Variants in SERPINA12 observed in about 807,000 individuals in gnomAD.
The protein encoded by SERPINA12 is serpin family A member 12, also known as serpin A12.
Under a neutral mutation model 25.9 loss-of-function variants are expected in SERPINA12, and 21 were observed. The observed-to-expected ratio is 0.81, with a 90% CI of 0.58 to 1.17. The LOEUF (loss-of-function observed/expected upper bound fraction) is 1.17. SERPINA12 is among the 50% of genes most tolerant of loss of function. The probability of loss-of-function intolerance (pLI) is 0.00; values close to 1 mark genes in which losing one functional copy is unlikely to be tolerated. For synonymous variants in SERPINA12, 220 were observed against 196.0 expected (o/e 1.12, Z -1.02); for missense variants, 562 against 508.3 (o/e 1.11, Z -1.02).
chr14:94,501,304 C>T (rs57705361), intron 1 of SERPINA12, among the ~76,000 whole-genome samples: 14,392 of 152,126 alleles, frequency 0.095, 815 homozygotes, highest in East Asian at 0.18. Flanking sequence ...TTCTCAGCAG[C>T]GGTGAAACCA....
chr14:94,516,307 C>T (rs1286685422), intron 1 of SERPINA12, among the ~76,000 whole-genome samples: 2 of 152,164 alleles, frequency 1.3e-5, no homozygotes, highest in East Asian at 1.9e-4. Context: ...AGAAGAAAAC[C>T]TGGGTATGAG....
intron 3 of SERPINA12, among the ~76,000 whole-genome samples, chr14:94,494,715 A>G (rs1900319889): frequency 6.6e-6 from 1 of 152,242 alleles, no homozygotes; most frequent in Admixed American, 6.5e-5. Context: ...GCCTCTTTAG[A>G]CAATGGGAAG....
chr14:94,498,335 T>C lies in SERPINA12; in HGVS notation c.63A>G (p.Leu21=). The change falls in exon 2 of 5, where the codon CTA becomes CTG. Residue 21 remains leucine (L), a synonymous_variant. Transcript: ENST00000677451. ...AATTCCTTGGTGAGAAGCTCGGCTT[T>C]AGAAGACCTTTCACCGTGAGGAGAA... The part of the protein sequence containing the change: ...LAVLLTVKGL[L]KPSFSPRNYK... 1.2e-6 allele frequency: 2 copies of C among 1,614,190 alleles called. No individual in the cohort carries two copies. The highest frequency in any genetic ancestry group is 1.7e-6 in the Non-Finnish European group (2 of 1,180,030).
chr14:94,506,139 C>T (rs961459952), intron 1 of SERPINA12, among the ~76,000 whole-genome samples: 1 of 152,166 alleles, frequency 6.6e-6, no homozygotes, highest in Admixed American at 6.5e-5. Context: ...ATTGTCCAGC[C>T]TGGGAAGATT....
chr14:94,515,039 G>T (rs1901197215), intron 2 of SERPINA12, among the ~76,000 whole-genome samples: 1 of 152,174 alleles, frequency 6.6e-6, no homozygotes, highest in Non-Finnish European at 1.5e-5. Flanking sequence ...CCTGCTGCTG[G>T]GCCTGACTCA....
At chr14:94,510,038 C>A (rs1175850885), upstream of SERPINA12, 3 of 985,326 alleles carry the variant, frequency 3.0e-6, no homozygotes, top group African/African-American at 1.7e-5. Context: ...CCCCACCCCA[C>A]TCCCGAGCTC....
At chr14:94,487,567 G>C in intron 4 of SERPINA12, 73 bp from the exon 5 acceptor site, 1 of 1,348,460 alleles carries the variant, frequency 7.4e-7, no homozygotes, top group Non-Finnish European at 1.0e-6. Flanking sequence ...GGCCCAGAGA[G>C]GATCAGAGAG....
chr14:94,489,948 C>A (rs1239846742), intron 3 of SERPINA12, among the ~76,000 whole-genome samples, 181 bp from the exon 4 acceptor site: 1 of 152,158 alleles, frequency 6.6e-6, no homozygotes, highest in Admixed American at 6.5e-5. Context: ...ACACCATAAG[C>A]TCTCTGAACC....
At chr14:94,514,528 T>C (rs1901183988) in intron 2 of SERPINA12, among the ~76,000 whole-genome samples, 1 of 142,358 alleles carries the variant, frequency 7.0e-6, no homozygotes, top group Admixed American at 6.9e-5. Context: ...TGAGCAGGGC[T>C]GGGGTCGGGT....
chr14:94,509,548 C>A (rs1199031710), upstream of SERPINA12, among the ~76,000 whole-genome samples: 2 of 152,162 alleles, frequency 1.3e-5, no homozygotes, highest in African/African-American at 2.4e-5. Context: ...CTGCCTCTGC[C>A]ACCTCCACCC....
rs1056703619 is a variant in SERPINA12, at chr14:94,498,021, T to C, written c.377A>G (p.Lys126Arg). ...AATGCTCAGTTTGAGGTCCTGGGTC[T>C]TCTGGGTCAGCTCGTGGATGATGTA... is the stretch of plus-strand genomic sequence containing the variant. ...FHYIIHELTQ[K>R]TQDLKLSIGN... Residue 126 changes from lysine to arginine, a missense_variant, in exon 2 of 5, where the codon AAG becomes AGG. Transcript: ENST00000677451. 6.2e-7 allele frequency: 1 copy of C among 1,614,206 alleles called. No homozygotes were observed. Among genetic ancestry groups the C allele is most frequent in the Admixed American group, 1.7e-5 (1 of 60,030 alleles).
chr14:94,512,849 C>G (rs1230056912), upstream of SERPINA12, among the ~76,000 whole-genome samples: 1 of 152,114 alleles, frequency 6.6e-6, no homozygotes, highest in African/African-American at 2.4e-5. Context: ...GGGAAAAGCT[C>G]ATTTCTGAGC....
intron 1 of SERPINA12, among the ~76,000 whole-genome samples, 71 bp downstream of exon 1, chr14:94,509,271 A>G (rs540474044): frequency 7.5e-6 from 1 of 133,236 alleles, no homozygotes; most frequent in Non-Finnish European, 1.6e-5. Context: ...TAAGACAGAG[A>G]AACAGACAAC....
intron 1 of SERPINA12, among the ~76,000 whole-genome samples, chr14:94,507,948 T>A (rs1566815271): frequency 6.6e-6 from 1 of 152,188 alleles, no homozygotes; most frequent in Non-Finnish European, 1.5e-5. Context: ...CAGATGTCCA[T>A]TTATAGTAGA....
intron 1 of SERPINA12, among the ~76,000 whole-genome samples, chr14:94,507,957 G>C (rs1900991854): frequency 6.6e-6 from 1 of 152,192 alleles, no homozygotes; most frequent in African/African-American, 2.4e-5. Context: ...ATTTATAGTA[G>C]AGAAGGGAGA....
chr14:94,510,012 C>A (rs1901067697), upstream of SERPINA12: 4 of 985,446 alleles, frequency 4.1e-6, no homozygotes, highest in South Asian at 1.4e-4. Context: ...TGGGAGCAGG[C>A]AGCCCATCCA....
intron 1 of SERPINA12, among the ~76,000 whole-genome samples, chr14:94,499,470 C>A (rs1234103433): frequency 6.6e-6 from 1 of 152,220 alleles, no homozygotes; most frequent in Non-Finnish European, 1.5e-5. Flanking sequence ...TTATTGATTT[C>A]TCTGGTTGGA....
chr14:94,489,649 C>T lies in SERPINA12; in HGVS notation c.1024G>A (p.Ala342Thr), dbSNP rs772056054. 1.2e-5 allele frequency: 19 copies of T among 1,613,926 alleles called. No individual in the cohort carries two copies. The East Asian group carries it at 1.3e-4, about 11-fold the overall frequency. Reference protein sequence around the residue: ...FEEHGDLTKIAPHRSLKVGEA... With the variant: ...FEEHGDLTKITPHRSLKVGEA... ...CCCACTTTCAGGCTGCGATGAGGGG[C>T]GATCTTGGTGAGATCACCATGTTCC... Residue 342 changes from alanine to threonine, a missense_variant, in exon 4 of 5, where the codon GCC becomes ACC. Transcript: ENST00000677451.
chr14:94,490,613 A>T (rs184916406), intron 3 of SERPINA12, among the ~76,000 whole-genome samples: 2 of 151,488 alleles, frequency 1.3e-5, no homozygotes, highest in African/African-American at 4.8e-5. Context: ...ACACCAAGAG[A>T]TCTCTCTTGG....
Sources: allele counts gnomAD v4.1 joint callset (sites outside exome capture counted in the v4.1 genomes callset), GRCh38; gene constraint gnomAD v4.1.1; transcripts MANE v1.5; gene names NCBI Gene and HGNC (gene_info 2026-07-23, HGNC 2026-07-21).